ZCWPW2: variants seen among roughly 807,000 people sequenced by gnomAD.
The protein encoded by ZCWPW2 is zinc finger CW-type PWWP domain protein 2.
ZCWPW2 carries 45 observed loss-of-function variants against 46.6 expected under a neutral mutation model. That is an observed-to-expected ratio of 0.96 (90% confidence interval 0.76 to 1.24). ZCWPW2 has a LOEUF of 1.24. Among genes scored for constraint, ZCWPW2 ranks in the 50% most tolerant of loss-of-function variants. The pLI is 0.00. For synonymous variants in ZCWPW2, 152 were observed against 137.1 expected, an observed-to-expected ratio of 1.11 and a Z score of -0.76; for missense variants, 429 against 403.9, an observed-to-expected ratio of 1.06 and a Z score of -0.53.
chr3:28,502,355 T>A (rs919142420), intron 6 of ZCWPW2, among the ~76,000 whole-genome samples: 1 of 152,168 alleles, frequency 6.6e-6, no homozygotes, highest in African/African-American at 2.4e-5. Flanking sequence ...AATTTTCCGG[T>A]GCAGATTATT....
In ZCWPW2 at chr3:28,413,434, G is replaced by A. The variant is rs371588327; in HGVS notation, c.332+34G>A. ...TGTGTAGTTTTATGACTTTTGAAAT[G>A]TAGTCTTGCTAGGTTTATGAATATT... On this transcript the variant is annotated intron_variant, in intron 3 of 9. Transcript: ENST00000383768. 1.6e-5 allele frequency: 24 copies of A among 1,530,204 alleles called. No individual in the cohort carries two copies. The African/African-American group carries it at 2.1e-4, about 13-fold the overall frequency. The allele number at this position is 1,530,204 out of a possible 1,614,324, so 94.8% of individuals were successfully genotyped here.
intron 4 of ZCWPW2, among the ~76,000 whole-genome samples, chr3:28,444,591 C>G (rs963091165): frequency 6.6e-6 from 1 of 152,150 alleles, no homozygotes; most frequent in African/African-American, 2.4e-5. Context: ...AGAGTAGACA[C>G]CTGGTGAGGC....
intron 1 of ZCWPW2, among the ~76,000 whole-genome samples, chr3:28,370,594 A>G (rs979759571): frequency 2.6e-5 from 4 of 152,202 alleles, no homozygotes; most frequent in African/African-American, 9.6e-5. Flanking sequence ...GAGAGGTTAT[A>G]AGATATCTAA....
At chr3:28,364,774 A>C (rs936229781) in intron 1 of ZCWPW2, among the ~76,000 whole-genome samples, 12 of 151,856 alleles carry the variant, frequency 7.9e-5, no homozygotes, top group Admixed American at 7.2e-4. Flanking sequence ...ACTAGTTTAT[A>C]TTCCCACTAA....
intron 2 of ZCWPW2, among the ~76,000 whole-genome samples, chr3:28,408,257 A>G (rs564966605): frequency 7.0e-4 from 106 of 152,308 alleles, no homozygotes; most frequent in African/African-American, 2.3e-3. Context: ...TTAACATTTT[A>G]TAATAGACTG....
chr3:28,381,821 T>C (rs925434823), intron 1 of ZCWPW2, among the ~76,000 whole-genome samples: 8 of 152,000 alleles, frequency 5.3e-5, no homozygotes, highest in Admixed American at 3.3e-4. Flanking sequence ...GTGGCTGTAT[T>C]AATTTGCTAG....
chr3:28,428,587 C>T (rs1697117301), intron 3 of ZCWPW2: 2 of 152,238 alleles, frequency 1.3e-5, no homozygotes, highest in Admixed American at 6.5e-5. Context: ...TTACATTGTT[C>T]TGTTAATTAT....
chr3:28,451,008 C>T (rs1698204346), intron 4 of ZCWPW2, among the ~76,000 whole-genome samples: 1 of 152,106 alleles, frequency 6.6e-6, no homozygotes, highest in Non-Finnish European at 1.5e-5. Context: ...TGATGAATAT[C>T]ACTTGTTTGA....
intron 3 of ZCWPW2, among the ~76,000 whole-genome samples, chr3:28,420,846 CTG>C (rs1487836984): frequency 2.0e-5 from 3 of 151,920 alleles, no homozygotes; most frequent in Admixed American, 6.6e-5. Flanking sequence ...CATTTTCTCT[CTG>C]TTGTTCAGAT....
intron 3 of ZCWPW2, among the ~76,000 whole-genome samples, chr3:28,423,407 C>T (rs1329131104): frequency 6.8e-6 from 1 of 147,352 alleles, no homozygotes; most frequent in East Asian, 2.0e-4. Flanking sequence ...CACTCTGTCG[C>T]CCAGACTGGA....
At chr3:28,517,178 G>A (rs180836319) in intron 8 of ZCWPW2, among the ~76,000 whole-genome samples, 6 of 152,146 alleles carry the variant, frequency 3.9e-5, no homozygotes, top group Admixed American at 6.5e-5. Context: ...TGACATAGCC[G>A]TGCAAATTTA....
At position 28,413,180 on chromosome 3, in the gene ZCWPW2, T is replaced by C. The variant is rs1279073470; in HGVS notation, c.112T>C (p.Cys38Arg). Residue 38 changes from cysteine to arginine, a missense_variant, in exon 3 of 10, where the codon TGT becomes CGT. Physicochemically the swap from Cys to Arg is radical, Grantham distance 180. Transcript: ENST00000383768. ...GTGGGTTCAATGTGAGAATGAAAAT[T>C]GTTTGAAATGGAGATTGTTATCAAG... Reference protein sequence around the residue: ...KVWVQCENENCLKWRLLSSED... With the variant: ...KVWVQCENENRLKWRLLSSED... The C allele has an allele frequency of 1.2e-6, 2 of 1,613,244 alleles. No individual in the cohort carries two copies. The highest frequency in any genetic ancestry group is 1.7e-6 in the Non-Finnish European group (2 of 1,179,546).
At chr3:28,520,044 G>T (rs1457503795) in intron 8 of ZCWPW2, among the ~76,000 whole-genome samples, 1 of 138,492 alleles carries the variant, frequency 7.2e-6, no homozygotes, top group Non-Finnish European at 1.5e-5. Context: ...TTCCTCTGTC[G>T]CCCAAGCTGG....
At chr3:28,373,357 G>T (rs1705401850) in intron 1 of ZCWPW2, among the ~76,000 whole-genome samples, 1 of 151,948 alleles carries the variant, frequency 6.6e-6, no homozygotes, top group African/African-American at 2.4e-5. Context: ...TTTTTACTGG[G>T]GTGGGATGAT....
intron 4 of ZCWPW2, chr3:28,447,857 C>T: frequency 9.7e-7 from 1 of 1,034,424 alleles, no homozygotes; most frequent in South Asian, 1.2e-5. Flanking sequence ...ACCAAATCTG[C>T]ATGTGGTGTG....
At chr3:28,502,589 C>T (rs1370184444) in intron 6 of ZCWPW2, among the ~76,000 whole-genome samples, 1 of 152,022 alleles carries the variant, frequency 6.6e-6, no homozygotes, top group Non-Finnish European at 1.5e-5. Flanking sequence ...TTGTTTTTCT[C>T]CCCTGGAGAG....
chr3:28,466,956 C>A (rs1040515270), intron 4 of ZCWPW2, among the ~76,000 whole-genome samples: 1 of 151,524 alleles, frequency 6.6e-6, no homozygotes, highest in African/African-American at 2.4e-5. Context: ...TTTTGACAAA[C>A]TAATTATAAA....
intron 1 of ZCWPW2, among the ~76,000 whole-genome samples, chr3:28,378,836 C>G (rs1368333583): frequency 6.6e-6 from 1 of 152,048 alleles, no homozygotes; most frequent in Non-Finnish European, 1.5e-5. Context: ...TGAGCCTTGT[C>G]CTAAGTGGAC....
intron 6 of ZCWPW2, among the ~76,000 whole-genome samples, chr3:28,501,691 G>A (rs1700148133): frequency 6.6e-6 from 1 of 152,092 alleles, no homozygotes; most frequent in Admixed American, 6.6e-5. Context: ...GTTTCCTCAT[G>A]TAAATTGTTA....
Sources: gnomAD v4.1 joint callset for allele counts (sites outside exome capture counted in the v4.1 genomes callset) on GRCh38, gnomAD v4.1.1 for gene constraint, MANE v1.5 for transcripts, NCBI Gene and HGNC (gene_info 2026-07-23, HGNC 2026-07-21) for gene names.